ADCY2: variants seen among roughly 807,000 people sequenced by gnomAD.
ADCY2 encodes adenylate cyclase 2.
Under a neutral mutation model 125.2 loss-of-function variants are expected in ADCY2, and 31 were observed. The ratio of observed to expected loss-of-function variants is 0.25; its 90% CI spans 0.19 to 0.33. The LOEUF (loss-of-function observed/expected upper bound fraction) is 0.33, where lower values mean the gene tolerates loss of function less well. Among genes scored for constraint, ADCY2 ranks in the 10% least tolerant of loss-of-function variants. The pLI is 1.00. For missense variants in ADCY2, 904 were observed against 1,418.2 expected (o/e 0.64, Z 5.82); for synonymous variants, 512 against 548.4 (o/e 0.93, Z 0.93).
intron 7 of ADCY2, among the ~76,000 whole-genome samples, chr5:7,702,415 T>C (rs1306352762): frequency 6.6e-6 from 1 of 151,862 alleles, no homozygotes; most frequent in African/African-American, 2.4e-5. Flanking sequence ...TATGTGATGT[T>C]CCCCTTCCTG....
intron 2 of ADCY2, among the ~76,000 whole-genome samples, chr5:7,516,552 G>T (rs1744260176): frequency 6.6e-6 from 1 of 152,146 alleles, no homozygotes; most frequent in Non-Finnish European, 1.5e-5. Context: ...ATGTTTCCAT[G>T]GTTGCCAGGG....
intron 19 of ADCY2, among the ~76,000 whole-genome samples, chr5:7,784,747 T>G (rs1407747968): frequency 1.3e-5 from 2 of 151,642 alleles, no homozygotes; most frequent in African/African-American, 4.8e-5. Flanking sequence ...CCTACAAAAG[T>G]GTTCCTTCAA....
intron 3 of ADCY2, among the ~76,000 whole-genome samples, chr5:7,536,096 TA>T (rs1734803333): frequency 6.6e-6 from 1 of 152,260 alleles, no homozygotes; most frequent in Non-Finnish European, 1.5e-5. Context: ...CTGTGGCTTA[TA>T]AAACTCTGAT....
intron 2 of ADCY2, among the ~76,000 whole-genome samples, chr5:7,494,602 C>T (rs1051446336): frequency 2.6e-5 from 4 of 152,100 alleles, no homozygotes; most frequent in African/African-American, 9.7e-5. Flanking sequence ...AGGGCTCCTC[C>T]AGGCCTGGCA....
chr5:7,592,277 CTA>C (rs1463072382), intron 3 of ADCY2, among the ~76,000 whole-genome samples: 8 of 152,142 alleles, frequency 5.3e-5, no homozygotes, highest in African/African-American at 1.9e-4. Context: ...AAAACAGACT[CTA>C]GAAATGTTTT....
intron 4 of ADCY2, among the ~76,000 whole-genome samples, chr5:7,646,663 C>T (rs1464991522): frequency 2.6e-5 from 4 of 152,166 alleles, no homozygotes; most frequent in Non-Finnish European, 5.9e-5. Flanking sequence ...GTGCTTATTA[C>T]ATTTAAGCTG....
chr5:7,684,772 T>C (rs1476145214), intron 4 of ADCY2, among the ~76,000 whole-genome samples: 2 of 56,890 alleles, frequency 3.5e-5, no homozygotes, highest in African/African-American at 1.2e-4. Context: ...ATGTCTGTTG[T>C]GCCTTTTTTT....
chr5:7,539,999 A>G (rs139944628), intron 3 of ADCY2, among the ~76,000 whole-genome samples: 1,745 of 152,336 alleles, frequency 0.011, 19 homozygotes, highest in Middle Eastern at 0.044. Flanking sequence ...AACTTCCAAA[A>G]CAACTCTTTC....
intron 4 of ADCY2, among the ~76,000 whole-genome samples, chr5:7,646,421 A>T (rs181930053): frequency 6.6e-6 from 1 of 152,002 alleles, no homozygotes; most frequent in South Asian, 2.1e-4. Context: ...TTTTAATTTC[A>T]TACAGCTTTA....
intron 14 of ADCY2, among the ~76,000 whole-genome samples, chr5:7,729,327 T>C (rs1405351783): frequency 6.6e-5 from 10 of 152,228 alleles, no homozygotes; most frequent in Non-Finnish European, 1.5e-4. Flanking sequence ...TGCTCTTTAC[T>C]GTAGATACAA....
At chr5:7,762,442 C>T (rs574349636) in intron 16 of ADCY2, among the ~76,000 whole-genome samples, 1 of 152,192 alleles carries the variant, frequency 6.6e-6, no homozygotes, top group Non-Finnish European at 1.5e-5. Flanking sequence ...AGGCAGTGCC[C>T]GGGGCCACAC....
At chr5:7,425,097 G>A (rs529462324) in intron 2 of ADCY2, among the ~76,000 whole-genome samples, 4 of 152,236 alleles carry the variant, frequency 2.6e-5, no homozygotes, top group Admixed American at 1.3e-4. Flanking sequence ...TCACTGTCTC[G>A]AGAGCCCCAG....
intron 3 of ADCY2, among the ~76,000 whole-genome samples, chr5:7,595,157 C>G (rs757755289): frequency 3.3e-5 from 5 of 152,310 alleles, no homozygotes; most frequent in Middle Eastern, 3.4e-3. Flanking sequence ...GGTACCCAAA[C>G]ACCTGATCAC....
At chr5:7,516,586 T>C (rs770327649) in intron 2 of ADCY2, among the ~76,000 whole-genome samples, 2 of 152,126 alleles carry the variant, frequency 1.3e-5, no homozygotes, top group Non-Finnish European at 2.9e-5. Context: ...TGGCTAACAG[T>C]GCATAAGATT....
intron 24 of ADCY2, among the ~76,000 whole-genome samples, chr5:7,825,283 G>A (rs1400261308): frequency 1.3e-5 from 2 of 152,022 alleles, no homozygotes; most frequent in East Asian, 3.9e-4. Flanking sequence ...ATGCTGCTGT[G>A]TGACATGACA....
chr5:7,788,008 A>G (rs964044318), intron 19 of ADCY2, among the ~76,000 whole-genome samples: 5 of 150,422 alleles, frequency 3.3e-5, no homozygotes, highest in African/African-American at 4.9e-5. Flanking sequence ...TGTTGCATCT[A>G]TCGTTTTAGT....
intron 4 of ADCY2, among the ~76,000 whole-genome samples, chr5:7,660,239 A>AGAAGGAAG (rs59646942): frequency 0.1 from 10,252 of 101,130 alleles, 780 homozygotes; most frequent in Admixed American, 0.18. Context: ...AGGGAGGGAG[A>AGAAGGAAG]GAAGGAAGGA....
chr5:7,580,413 A>G (rs930706619), intron 3 of ADCY2, among the ~76,000 whole-genome samples: 5 of 152,200 alleles, frequency 3.3e-5, no homozygotes, highest in African/African-American at 1.2e-4. Flanking sequence ...GAACCATATT[A>G]AAATTCTGGA....
At chr5:7,581,016 G>C (rs935385759) in intron 3 of ADCY2, among the ~76,000 whole-genome samples, 1 of 152,152 alleles carries the variant, frequency 6.6e-6, no homozygotes, top group Non-Finnish European at 1.5e-5. Context: ...CATTTTAAAT[G>C]AACAGTAACT....
Sources: gnomAD v4.1 joint callset for allele counts (sites outside exome capture counted in the v4.1 genomes callset) on GRCh38, gnomAD v4.1.1 for gene constraint, MANE v1.5 for transcripts, NCBI Gene and HGNC (gene_info 2026-07-23, HGNC 2026-07-21) for gene names.